SCD5: variants seen among roughly 807,000 people sequenced by gnomAD.
The protein encoded by SCD5 is acyl-CoA-desaturase 4.
In SCD5, 20 loss-of-function variants were observed where a neutral mutation model predicts 30.4. That is an observed-to-expected ratio of 0.66 (90% confidence interval 0.46 to 0.96). SCD5 has a LOEUF of 0.96. Ranked by LOEUF, SCD5 falls within the 40% of genes least tolerant of loss-of-function variation. The pLI is 0.00. For synonymous variants in SCD5, 173 were observed against 176.4 expected, an observed-to-expected ratio of 0.98 and a Z score of 0.16; for missense variants, 381 against 443.3, an observed-to-expected ratio of 0.86 and a Z score of 1.26.
At chr4:82,698,645 G>A (rs1246129349) in intron 2 of SCD5, among the ~76,000 whole-genome samples, 2 of 152,136 alleles carry the variant, frequency 1.3e-5, no homozygotes, top group Non-Finnish European at 2.9e-5. Context: ...CACTCACATG[G>A]ACCAGCCACG....
intron 2 of SCD5, among the ~76,000 whole-genome samples, chr4:82,683,859 C>T (rs1037692345): frequency 2.0e-5 from 3 of 152,156 alleles, no homozygotes; most frequent in Non-Finnish European, 2.9e-5. Flanking sequence ...CACCTTCCAC[C>T]GTGATTGGAA....
intron 3 of SCD5, among the ~76,000 whole-genome samples, chr4:82,672,992 AC>A (rs1728360053): frequency 6.6e-6 from 1 of 152,070 alleles, no homozygotes; most frequent in African/African-American, 2.4e-5. Context: ...AAAATGCAAC[AC>A]CCATTCATGA....
rs748202058 is a variant in SCD5, at chr4:82,680,937, T to C, written c.364-25A>G. ...TCTGCAGAGAGAATGAGAGCCTGAG[T>C]GAAGAGAGGAACCGCACCGCCGAGC... is the stretch of plus-strand genomic sequence containing the variant. On this transcript the variant is annotated intron_variant, in intron 2 of 4. Transcript: ENST00000319540. The C allele has an allele frequency of 8.1e-6, 13 of 1,600,922 alleles. No homozygotes were observed. In the South Asian group the frequency reaches 1.2e-4, roughly 15 times the overall value.
intron 1 of SCD5, among the ~76,000 whole-genome samples, chr4:82,750,837 C>A (rs1468326161): frequency 6.6e-6 from 1 of 152,206 alleles, no homozygotes; most frequent in Non-Finnish European, 1.5e-5. Flanking sequence ...CTCTCTAGCA[C>A]AGAGTTCCTC....
intron 1 of SCD5, among the ~76,000 whole-genome samples, chr4:82,728,321 C>T (rs982600637): frequency 6.6e-6 from 1 of 152,020 alleles, no homozygotes; most frequent in African/African-American, 2.4e-5. Flanking sequence ...TCTAGTTTTA[C>T]CTTAAAGCAA....
intron 3 of SCD5, among the ~76,000 whole-genome samples, chr4:82,652,322 A>G (rs1298187482): frequency 6.6e-6 from 1 of 152,248 alleles, no homozygotes; most frequent in Non-Finnish European, 1.5e-5. Context: ...TAATTAAGCA[A>G]GCACAGTTTC....
At chr4:82,716,617 C>T (rs1720234144) in intron 1 of SCD5, among the ~76,000 whole-genome samples, 1 of 151,738 alleles carries the variant, frequency 6.6e-6, no homozygotes, top group South Asian at 2.1e-4. Flanking sequence ...AGTTCGAGAC[C>T]AGCCTGGCCA....
chr4:82,753,309 TG>T (rs898124810), intron 1 of SCD5: 1 of 494,420 alleles, frequency 2.0e-6, no homozygotes, highest in Non-Finnish European at 4.2e-6. Context: ...CTCCCTGGGG[TG>T]GGGGTGGGGG....
intron 3 of SCD5, among the ~76,000 whole-genome samples, chr4:82,637,875 A>T (rs1304934209): frequency 1.3e-5 from 2 of 151,896 alleles, no homozygotes; most frequent in South Asian, 2.1e-4. Flanking sequence ...GGTTCTTTTT[A>T]AAAATTTTTA....
intron 3 of SCD5, among the ~76,000 whole-genome samples, chr4:82,642,734 T>C (rs1473535023): frequency 2.0e-5 from 3 of 152,212 alleles, no homozygotes; most frequent in Admixed American, 2.0e-4. Flanking sequence ...TAGAATAAAT[T>C]GGGGAACATT....
chr4:82,661,338 G>A (rs1039385187), intron 3 of SCD5, among the ~76,000 whole-genome samples: 1 of 152,192 alleles, frequency 6.6e-6, no homozygotes, highest in Non-Finnish European at 1.5e-5. Context: ...TTCATTCTGG[G>A]TAATGGAACA....
At chr4:82,668,585 C>A (rs546840774) in intron 3 of SCD5, among the ~76,000 whole-genome samples, 1 of 152,214 alleles carries the variant, frequency 6.6e-6, no homozygotes, top group African/African-American at 2.4e-5. Context: ...AAGCCGACTT[C>A]GCTGAGAAAA....
chr4:82,660,871 G>A (rs1463250022), intron 3 of SCD5: 2 of 1,613,894 alleles, frequency 1.2e-6, no homozygotes, highest in Non-Finnish European at 1.7e-6. Context: ...TCTCTCTTCT[G>A]ACCTTCAGAA....
chr4:82,793,634 T>C (rs377517421), intron 1 of SCD5, among the ~76,000 whole-genome samples: 3 of 152,268 alleles, frequency 2.0e-5, no homozygotes, highest in African/African-American at 7.2e-5. Context: ...GGACCAATAA[T>C]AATGACAGTG....
At chr4:82,664,999 C>CTCTCTCTCTCTCTATATATATATA (rs1219554314) in intron 3 of SCD5, among the ~76,000 whole-genome samples, 1 of 70,482 alleles carries the variant, frequency 1.4e-5, no homozygotes, top group African/African-American at 7.5e-5. Context: ...CTCTCTCTCT[C>CTCTCTCTCTCTCTATATATATATA]TATATATATA....
rs1365850813 is a variant in SCD5, at chr4:82,798,690, G to A, written c.-153C>T. On this transcript the variant is annotated 5_prime_UTR_variant, in exon 1 of 5. Coordinates refer to ENST00000319540, the MANE Select transcript of SCD5 (RefSeq NM_001037582.3). Reference sequence around the variant, plus strand: ...TCCAGCCCTTCTCCCGGGCTCCTGCGCTCTTCCCCAGGGTCTTAGCGTGGC... The same window carrying A: ...TCCAGCCCTTCTCCCGGGCTCCTGCACTCTTCCCCAGGGTCTTAGCGTGGC... 1 of 678,960 alleles carries A rather than the reference G, an allele frequency of 1.5e-6. No homozygotes were observed. The highest frequency in any genetic ancestry group is 2.4e-6 in the Non-Finnish European group (1 of 414,220). The allele number at this position is 678,960 out of a possible 1,614,324, so 42.1% of individuals were successfully genotyped here.
At chr4:82,660,436 T>G (rs985171870) in intron 3 of SCD5, 2 of 781,946 alleles carry the variant, frequency 2.6e-6, no homozygotes, top group Non-Finnish European at 2.9e-6. Flanking sequence ...ACTTTTGACT[T>G]ACAAAAATAA....
chr4:82,753,901 G>T lies in SCD5; in HGVS notation c.232+44405C>A, dbSNP rs79028100. Among the ~76,000 whole-genome samples the T allele has an allele frequency of 2.6e-4, 40 of 152,252 alleles. No homozygotes were observed. The East Asian group carries it at 7.7e-3, about 29-fold the overall frequency. On this transcript the variant is annotated intron_variant, in intron 1 of 4. Coordinates refer to ENST00000319540, the MANE Select transcript of SCD5 (RefSeq NM_001037582.3). ...TCACATCCGAGGCTGAGCCAGTCCT[G>T]ATGAGAAAGCCTCGTTGCTGCCAGC...
intron 2 of SCD5, among the ~76,000 whole-genome samples, chr4:82,699,143 C>T (rs192462327): frequency 1.3e-5 from 2 of 152,122 alleles, no homozygotes; most frequent in African/African-American, 4.8e-5. Flanking sequence ...ACCATCCCCC[C>T]ACCCTGCCAT....
Sources: allele counts gnomAD v4.1 joint callset (sites outside exome capture counted in the v4.1 genomes callset), GRCh38; gene constraint gnomAD v4.1.1; transcripts MANE v1.5; gene names NCBI Gene and HGNC (gene_info 2026-07-23, HGNC 2026-07-21).